Variants in OCA2 observed in about 807,000 individuals in gnomAD.
The protein encoded by OCA2 is P protein.
OCA2 carries 77 observed loss-of-function variants against 100.2 expected under a neutral mutation model. The observed-to-expected ratio is 0.77, with a 90% confidence interval of 0.64 to 0.93. The LOEUF (loss-of-function observed/expected upper bound fraction) is 0.93, where lower values mean the gene tolerates loss of function less well. OCA2 is among the 40% of genes least tolerant of loss of function. OCA2 has a pLI of 0.00. For missense variants in OCA2, 1,062 were observed against 1,089.1 expected, an observed-to-expected ratio of 0.98 and a Z score of 0.35; for synonymous variants, 432 against 439.2, an observed-to-expected ratio of 0.98 and a Z score of 0.21.
At chr15:27,881,953 T>C (rs1452463369) in intron 19 of OCA2, among the ~76,000 whole-genome samples, 1 of 152,164 alleles carries the variant, frequency 6.6e-6, no homozygotes, top group Non-Finnish European at 1.5e-5. Context: ...GTTATTTTAG[T>C]TGTGATCTTA....
chr15:27,894,877 A>G (rs2037622283), intron 19 of OCA2, among the ~76,000 whole-genome samples: 2 of 152,204 alleles, frequency 1.3e-5, no homozygotes, highest in Non-Finnish European at 2.9e-5. Context: ...CTACCACAAA[A>G]GGATTGTGAT....
chr15:28,023,489 G>C (rs2042656828), intron 5 of OCA2, among the ~76,000 whole-genome samples: 1 of 152,146 alleles, frequency 6.6e-6, no homozygotes, highest in African/African-American at 2.4e-5. Flanking sequence ...CACGCGTGCA[G>C]GTCACGAAAC....
At chr15:27,719,954 C>A in the OCA2 span, among the ~76,000 whole-genome samples, 1 of 152,164 alleles carries the variant, frequency 6.6e-6, no homozygotes, top group South Asian at 2.1e-4. Flanking sequence ...TAATCTGATT[C>A]TCTCCCAAAC....
intron 21 of OCA2, among the ~76,000 whole-genome samples, chr15:27,857,280 T>C (rs953271191): frequency 5.3e-5 from 8 of 152,176 alleles, no homozygotes; most frequent in African/African-American, 1.7e-4. Context: ...AACAGTGGAA[T>C]TGAGGAAGCC....
chr15:27,892,377 T>C (rs2594891), intron 19 of OCA2, among the ~76,000 whole-genome samples: 64,854 of 151,858 alleles, frequency 0.43, 16,449 homozygotes, highest in African/African-American at 0.68. Context: ...TCAACTATAA[T>C]GGAATAAAGT....
intron 19 of OCA2, among the ~76,000 whole-genome samples, chr15:27,903,750 G>GC (rs1440073035): frequency 1.3e-5 from 2 of 152,192 alleles, no homozygotes; most frequent in African/African-American, 2.4e-5. Context: ...AACTGCACTC[G>GC]CATTACCCTG....
intron 2 of OCA2, among the ~76,000 whole-genome samples, chr15:28,056,330 G>A (rs969696930): frequency 1.3e-5 from 2 of 152,180 alleles, no homozygotes; most frequent in African/African-American, 4.8e-5. Context: ...TGGCATTCAT[G>A]ACAAAATTCT....
At chr15:28,032,234 C>T in intron 2 of OCA2, 71 bp from the exon 3 acceptor site, 2 of 1,177,104 alleles carry the variant, frequency 1.7e-6, no homozygotes. Flanking sequence ...CACTCAGGTG[C>T]TAGATTCAAG....
chr15:27,888,905 G>A (rs1031497840), intron 19 of OCA2, among the ~76,000 whole-genome samples: 8 of 151,960 alleles, frequency 5.3e-5, no homozygotes, highest in Non-Finnish European at 8.8e-5. Context: ...GAGCAAAAAT[G>A]TAAACGAGAC....
the OCA2 span, among the ~76,000 whole-genome samples, chr15:27,731,920 A>G: frequency 2.6e-5 from 4 of 152,230 alleles, no homozygotes; most frequent in Non-Finnish European, 1.5e-5. Flanking sequence ...TGTGGAACCC[A>G]TTCCAGTACT....
At chr15:27,763,775 G>A (rs939913318) in intron 23 of OCA2, among the ~76,000 whole-genome samples, 1 of 152,208 alleles carries the variant, frequency 6.6e-6, no homozygotes, top group Non-Finnish European at 1.5e-5. Flanking sequence ...CCTGGTACTG[G>A]GTGGGAGTGA....
chr15:28,012,473 C>T (rs928835222), intron 9 of OCA2, among the ~76,000 whole-genome samples: 11 of 152,190 alleles, frequency 7.2e-5, no homozygotes, highest in African/African-American at 2.4e-4. Flanking sequence ...TGAGACCCTG[C>T]CATGCTCCCT....
At chr15:28,076,352 A>G (rs2044425349) in intron 2 of OCA2, among the ~76,000 whole-genome samples, 1 of 152,210 alleles carries the variant, frequency 6.6e-6, no homozygotes, top group African/African-American at 2.4e-5. Context: ...TTTTTAACAT[A>G]TTCTCTCTAA....
the OCA2 span, among the ~76,000 whole-genome samples, chr15:27,734,286 CAAAA>C: frequency 8.1e-3 from 621 of 76,362 alleles, 4 homozygotes; most frequent in African/African-American, 0.025. Flanking sequence ...TTTTCAAGAG[CAAAA>C]AAAAAAAAAA....
intron 15 of OCA2, among the ~76,000 whole-genome samples, chr15:27,959,596 T>G (rs1199762570): frequency 6.6e-6 from 1 of 152,180 alleles, no homozygotes; most frequent in Admixed American, 6.5e-5. Flanking sequence ...AGCTTTAAAG[T>G]GCTCACACCT....
At position 27,983,364 on chromosome 15, in the gene OCA2, T is replaced by C. The variant is rs531606889; in HGVS notation, c.1484A>G (p.Asn495Ser). Reference protein sequence around the residue: ...GDPPNVIIVSNQELRKMGLDF... With the variant: ...GDPPNVIIVSSQELRKMGLDF... The stretch of plus-strand genomic sequence containing the variant: ...ACGTACCATCTTCCTCAGCTCTTGG[T>C]TGGAAACAATAATGACATTTGGAGG... The change falls in exon 14 of 24, where the codon AAC becomes AGC. Residue 495 changes from asparagine (N) to serine (S), a missense_variant. Transcript: ENST00000354638. 3 of 1,614,000 alleles carry C rather than the reference T, an allele frequency of 1.9e-6. No homozygotes were observed. The highest frequency in any genetic ancestry group is 1.7e-6 in the Non-Finnish European group (2 of 1,180,036).
the OCA2 span, among the ~76,000 whole-genome samples, chr15:27,739,719 T>C: frequency 6.6e-6 from 1 of 152,184 alleles, no homozygotes; most frequent in Non-Finnish European, 1.5e-5. Context: ...ATGCTGGGAT[T>C]ACAGGTGTGA....
chr15:27,743,133 C>A, the OCA2 span, among the ~76,000 whole-genome samples: 1 of 152,194 alleles, frequency 6.6e-6, no homozygotes, highest in African/African-American at 2.4e-5. Context: ...AGGGAGAACC[C>A]TGGTACCCTG....
intron 18 of OCA2, among the ~76,000 whole-genome samples, chr15:27,933,770 C>T (rs573033267): frequency 1.4e-4 from 22 of 152,184 alleles, no homozygotes; most frequent in South Asian, 4.1e-4. Flanking sequence ...CAAGTCATAG[C>T]GGAATGTTGT....
Sources: gnomAD v4.1 joint callset for allele counts (sites outside exome capture counted in the v4.1 genomes callset) on GRCh38, gnomAD v4.1.1 for gene constraint, MANE v1.5 for transcripts, NCBI Gene and HGNC (gene_info 2026-07-23, HGNC 2026-07-21) for gene names.